PTGFRN: variants seen among roughly 807,000 people sequenced by gnomAD.
PTGFRN encodes the protein prostaglandin F2 receptor inhibitor, also known as prostaglandin F2 receptor negative regulator.
In PTGFRN, 35 loss-of-function variants were observed where a neutral mutation model predicts 83.2. The observed-to-expected ratio is 0.42, with a 90% CI of 0.32 to 0.56. The LOEUF (loss-of-function observed/expected upper bound fraction) is 0.56, where lower values mean the gene tolerates loss of function less well. Ranked by LOEUF, PTGFRN falls within the 20% of genes least tolerant of loss-of-function variation. The pLI is 0.11. For missense variants in PTGFRN, 1,051 were observed against 1,179.5 expected (o/e 0.89, Z 1.60); for synonymous variants, 519 against 498.6 (o/e 1.04, Z -0.55).
At chr1:116,953,368 T>C (rs1384872421) in intron 4 of PTGFRN, among the ~76,000 whole-genome samples, 1 of 152,214 alleles carries the variant, frequency 6.6e-6, no homozygotes, top group Non-Finnish European at 1.5e-5. Context: ...TAATATCAGC[T>C]GTCTGTCCAA....
At chr1:116,910,541 T>A (rs922534243) in intron 1 of PTGFRN, among the ~76,000 whole-genome samples, 1 of 151,488 alleles carries the variant, frequency 6.6e-6, no homozygotes, top group Non-Finnish European at 1.5e-5. Context: ...GGGCCGTCTT[T>A]CCCCCAGGTC....
chr1:116,980,736 A>C (rs185454907), intron 7 of PTGFRN, among the ~76,000 whole-genome samples: 279 of 151,832 alleles, frequency 1.8e-3, no homozygotes, highest in African/African-American at 6.2e-3. Flanking sequence ...GGATAGCATT[A>C]GGAGATATAC....
At chr1:116,933,647 G>T (rs1030050669) in intron 1 of PTGFRN, among the ~76,000 whole-genome samples, 5 of 152,118 alleles carry the variant, frequency 3.3e-5, no homozygotes, top group African/African-American at 1.2e-4. Context: ...CCCTTGTTGA[G>T]AATTGGTTGA....
In PTGFRN at chr1:116,966,948, T is replaced by C. The variant is rs771972668; in HGVS notation, c.1677T>C (p.Pro559=). The C allele has an allele frequency of 6.2e-7, 1 of 1,610,342 alleles. No individual in the cohort carries two copies. Among genetic ancestry groups the C allele is most frequent in the Non-Finnish European group, 8.5e-7 (1 of 1,176,910 alleles). Residue 559 remains proline (P), a synonymous_variant, in exon 6 of 9, where the codon CCT becomes CCC. Coordinates refer to ENST00000393203, the MANE Select transcript of PTGFRN (RefSeq NM_020440.4). ...VLVVKARQPK[P]FFAAGNTFEM... is the part of the protein sequence containing the mutation. ...TGGTGAAGGCGAGGCAGCCAAAGCC[T>C]TTCTTTGCTGCCGGAAATACATTTG... is the stretch of plus-strand genomic sequence containing the variant.
At chr1:116,927,909 T>C (rs1217869894) in intron 1 of PTGFRN, among the ~76,000 whole-genome samples, 2 of 152,226 alleles carry the variant, frequency 1.3e-5, no homozygotes, top group East Asian at 3.8e-4. Flanking sequence ...ATGCAAAGTC[T>C]TTGTCGCCTC....
intron 1 of PTGFRN, among the ~76,000 whole-genome samples, chr1:116,915,602 C>T (rs1395663995): frequency 3.3e-5 from 5 of 152,196 alleles, no homozygotes; most frequent in Admixed American, 6.5e-5. Flanking sequence ...CCTTACAAGG[C>T]AGCAGGCTAG....
At chr1:116,983,779 TA>T (rs1382447460) in intron 7 of PTGFRN, among the ~76,000 whole-genome samples, 5 of 152,316 alleles carry the variant, frequency 3.3e-5, no homozygotes, top group Non-Finnish European at 1.5e-5. Flanking sequence ...GACATTTATA[TA>T]AAACGCTTTC....
rs150901633 is a variant in PTGFRN, at chr1:116,952,588, ATTATAT to A, written c.1213+3019_1213+3024del. 0.23 allele frequency among the ~76,000 whole-genome samples: 35,113 copies of A among 151,886 alleles called. 4,272 individuals carry two copies. The highest frequency in any genetic ancestry group is 0.46 in the East Asian group (2,345 of 5,116). On this transcript the variant is annotated intron_variant, in intron 4 of 8. Transcript: ENST00000393203. This position sits in a 1 kb window ranked among gnomAD's most constrained non-coding sequence, Gnocchi z 4.0. ...GCAAGGTGGTTGGTATGAATTAGTT[ATTATAT>A]TTGAGCACTGAATTTGCCTCTGAAG...
In PTGFRN at chr1:116,961,482, G is replaced by T; in HGVS notation, c.1453G>T (p.Asp485Tyr). 6.2e-7 allele frequency: 1 copy of T among 1,614,170 alleles called. No homozygotes were observed. ...YGERSKQRAQDGDFIFSKEHT... is the reference protein window; with the variant it reads ...YGERSKQRAQYGDFIFSKEHT... Reference sequence around the variant, plus strand: ...AGAGAGGAGCAAGCAGCGGGCCCAGGATGGAGACTTTATTTTTTCTAAGGA... The same window carrying T: ...AGAGAGGAGCAAGCAGCGGGCCCAGTATGGAGACTTTATTTTTTCTAAGGA... Residue 485 changes from aspartate (D) to tyrosine (Y), a missense_variant, in exon 5 of 9, where the codon GAT becomes TAT. Physicochemically the swap from Asp to Tyr is radical, Grantham distance 160 (BLOSUM62 -3). This residue lies in a region of PTGFRN where 719 missense variants were observed against 836.6 expected (regional missense o/e 0.86). Transcript: ENST00000393203. This position sits in a 1 kb window ranked among gnomAD's most constrained non-coding sequence, Gnocchi z 5.4.
intron 4 of PTGFRN, among the ~76,000 whole-genome samples, chr1:116,956,240 C>G (rs545269089): frequency 6.6e-6 from 1 of 152,302 alleles, no homozygotes; most frequent in South Asian, 2.1e-4. Flanking sequence ...AGCCAAGAAT[C>G]CACTTATTTT....
In PTGFRN at chr1:116,984,952, T is replaced by G; in HGVS notation, c.2440T>G (p.Ser814Ala). 6.2e-7 allele frequency: 1 copy of G among 1,614,026 alleles called. No individual in the cohort carries two copies. Among genetic ancestry groups the G allele is most frequent in the Non-Finnish European group, 8.5e-7 (1 of 1,179,932 alleles). Residue 814 changes from serine to alanine, a missense_variant, in exon 8 of 9, where the codon TCC (serine) becomes GCC (alanine). Physicochemically the swap from Ser to Ala is moderately conservative, Grantham distance 99. Transcript: ENST00000393203. ...CTGGCAGAAGGAGGCAGAGATCCAC[T>G]CCAAGCCCGTTTTTATAACTGTGAA... is the stretch of plus-strand genomic sequence containing the variant. ...GSWQKEAEIH[S>A]KPVFITVKMD...
chr1:116,938,923 A>G (rs968561530), intron 1 of PTGFRN, among the ~76,000 whole-genome samples: 1 of 152,232 alleles, frequency 6.6e-6, no homozygotes, highest in African/African-American at 2.4e-5. Flanking sequence ...ATGCAACTCT[A>G]AAATCCAGCA....
Position 116,945,049 on chromosome 1 carries a change from A to G in PTGFRN, c.789A>G (p.Gln263=), listed in dbSNP as rs1650161226. The G allele has an allele frequency of 2.5e-6, 4 of 1,613,764 alleles. No individual in the cohort carries two copies. The South Asian group carries it at 4.4e-5, about 18-fold the overall frequency. ...AGCAGGGCAACTGGCAGGAAATCCA[A>G]GAAAAGGCCGTGGAAGTTGCCACCG... ...IAEQGNWQEI[Q]EKAVEVATVV... Residue 263 remains glutamine (Q), a synonymous_variant, in exon 3 of 9, where the codon CAA becomes CAG. Transcript: ENST00000393203.
chr1:116,910,976 C>T (rs1354797405), intron 1 of PTGFRN, among the ~76,000 whole-genome samples: 1 of 152,164 alleles, frequency 6.6e-6, no homozygotes, highest in African/African-American at 2.4e-5. Context: ...TCGTCTTCCA[C>T]CCTCCGGAAA....
intron 1 of PTGFRN, among the ~76,000 whole-genome samples, chr1:116,922,249 A>G (rs1052335667): frequency 6.6e-6 from 1 of 152,228 alleles, no homozygotes; most frequent in Non-Finnish European, 1.5e-5. Context: ...GTTGTTTCTT[A>G]TAAGAAAAAC....
chr1:116,934,724 G>A (rs572919028), intron 1 of PTGFRN, among the ~76,000 whole-genome samples: 1 of 152,162 alleles, frequency 6.6e-6, no homozygotes, highest in South Asian at 2.1e-4. Flanking sequence ...CTGTCATCTG[G>A]AATACCTGGT....
rs1650377929 is a variant in PTGFRN, at chr1:116,952,559, T to C, written c.1213+2987T>C. On this transcript the variant is annotated intron_variant, in intron 4 of 8. Coordinates refer to ENST00000393203, the MANE Select transcript of PTGFRN (RefSeq NM_020440.4). This position sits in a 1 kb window ranked among gnomAD's most constrained non-coding sequence, Gnocchi z 4.0. Reference sequence around the variant, plus strand: ...ATCAAAAGGGTAAAAGAAGAATAGATATTGCAAGGTGGTTGGTATGAATTA... The same window carrying C: ...ATCAAAAGGGTAAAAGAAGAATAGACATTGCAAGGTGGTTGGTATGAATTA... 2.0e-5 allele frequency among the ~76,000 whole-genome samples: 3 copies of C among 151,064 alleles called. No individual in the cohort carries two copies. The highest frequency in any genetic ancestry group is 4.4e-5 in the Non-Finnish European group (3 of 67,888).
intron 4 of PTGFRN, among the ~76,000 whole-genome samples, chr1:116,957,093 A>G (rs955905974): frequency 7.0e-6 from 1 of 142,176 alleles, no homozygotes; most frequent in African/African-American, 2.6e-5. Context: ...TGTGTTTGGA[A>G]CAAGGTTTTA....
chr1:116,913,483 A>G (rs986039297), intron 1 of PTGFRN, among the ~76,000 whole-genome samples: 3 of 151,798 alleles, frequency 2.0e-5, no homozygotes, highest in Non-Finnish European at 4.4e-5. Flanking sequence ...TTTGGGATAG[A>G]TCCTGTAGGT....
Sources: allele counts gnomAD v4.1 joint callset (sites outside exome capture counted in the v4.1 genomes callset), GRCh38; gene constraint gnomAD v4.1.1; regional missense constraint gnomAD v4.1.1; non-coding constraint Gnocchi (gnomAD v3.1); transcripts MANE v1.5; gene names NCBI Gene and HGNC (gene_info 2026-07-23, HGNC 2026-07-21).